The following WFS1 variants were observed in gnomAD, a reference collection of about 807,000 sequenced individuals.
The protein encoded by WFS1 is wolframin.
WFS1 carries 90 observed loss-of-function variants against 68.5 expected under a neutral mutation model. That is an observed-to-expected ratio of 1.31 (90% CI 1.11 to 1.56). The LOEUF (loss-of-function observed/expected upper bound fraction) is 1.56, where lower values mean the gene tolerates loss of function less well. Among genes scored for constraint, WFS1 ranks in the 40% most tolerant of loss-of-function variants. The pLI is 0.00. For synonymous variants in WFS1, 860 were observed against 540.7 expected, an observed-to-expected ratio of 1.59 and a Z score of -8.19; for missense variants, 1,767 against 1,232.6, an observed-to-expected ratio of 1.43 and a Z score of -6.49.
rs1730856439 is a variant in WFS1, at chr4:6,300,797, C to T, written c.1002C>T (p.Ser334=). The T allele has an allele frequency of 1.9e-6, 3 of 1,614,074 alleles. No homozygotes were observed. The highest frequency in any genetic ancestry group is 1.7e-6 in the Non-Finnish European group (2 of 1,179,964). The change falls in exon 8 of 8, where the codon AGC becomes AGT. Residue 334 remains serine, a synonymous_variant. Coordinates refer to ENST00000226760, the MANE Select transcript of WFS1 (RefSeq NM_006005.3). ...CGCTCATCTTCTTCTTCATCGTCAG[C>T]AACCTCACCATCGACTTCTTCGCCT... ...INALIFFFIV[S]NLTIDFFAFF...
rs1431418290 is a variant in WFS1 at position 6,302,029 on chromosome 4, G to A, written c.2234G>A (p.Gly745Asp). ...GAGGCCTACCCTGCCTGCAGCCCTG[G>A]CAACACCTCCACGGCCGAGGAGGAG... ...YGEAYPACSP[G>D]NTSTAEEELC... The change falls in exon 8 of 8, where the codon GGC becomes GAC. Residue 745 changes from glycine to aspartate, a missense_variant. By Grantham distance (94) the Gly-to-Asp change is moderately conservative. Transcript: ENST00000226760. 6.2e-7 allele frequency: 1 copy of A among 1,612,732 alleles called. No homozygotes were observed. The highest frequency in any genetic ancestry group is 8.5e-7 in the Non-Finnish European group (1 of 1,179,900).
intron 7 of WFS1, among the ~76,000 whole-genome samples, chr4:6,298,692 C>T (rs974928368): frequency 3.9e-5 from 6 of 152,176 alleles, no homozygotes; most frequent in East Asian, 1.9e-4. Context: ...ATGAGCCTGC[C>T]CCTCTCCTCT....
rs918718863 is a variant in WFS1 at position 6,277,481 on chromosome 4, G to A, written c.26G>A (p.Gly9Asp). 1.3e-6 allele frequency: 2 copies of A among 1,559,666 alleles called. No homozygotes were observed. The highest frequency in any genetic ancestry group is 2.4e-5 in the East Asian group (1 of 41,946). Residue 9 changes from glycine (G) to aspartate (D), a missense_variant, in exon 2 of 8, where the codon GGC (glycine) becomes GAC (aspartate). Transcript: ENST00000226760. ...ATGGACTCCAACACTGCTCCGCTGG[G>A]CCCCTCCTGCCCACAGCCCCCGCCA... The part of the protein sequence containing the change: MDSNTAPL[G>D]PSCPQPPPAP...
chr4:6,289,281 T>C, intron 4 of WFS1, 150 bp downstream of exon 4: 1 of 1,062,506 alleles, frequency 9.4e-7, no homozygotes, highest in Non-Finnish European at 1.3e-6. Context: ...GCCTTCTCAT[T>C]TTAGACACTG....
chr4:6,279,123 C>G (rs1004118720), intron 2 of WFS1, among the ~76,000 whole-genome samples: 5 of 152,196 alleles, frequency 3.3e-5, no homozygotes, highest in African/African-American at 9.6e-5. Context: ...ACTGATGTGG[C>G]CAAAGCAGGC....
rs779199009 is a variant in WFS1, at chr4:6,302,094, A to G, written c.2299A>G (p.Ile767Val). ...GCTGCTGGCCAAGCACCCCTGCCAC[A>G]TCAAGAAGTTCGACCGCTACAAGTT... ...LKLLAKHPCH[I>V]KKFDRYKFEI... is the part of the protein sequence containing the mutation. Residue 767 changes from isoleucine (I) to valine (V), a missense_variant, in exon 8 of 8, where the codon ATC becomes GTC. Transcript: ENST00000226760. The G allele has an allele frequency of 2.5e-6, 4 of 1,612,906 alleles. No individual in the cohort carries two copies. The highest frequency in any genetic ancestry group is 2.2e-5 in the East Asian group (1 of 44,872).
At position 6,277,545 on chromosome 4, in the gene WFS1, A is replaced by G. The variant is rs1182003818; in HGVS notation, c.90A>G (p.Thr30=). ...AGGCGCGTTCCCGACTCAATGCCAC[A>G]GCCTCGTTGGAGCAGGAGAGGAGCG... The part of the protein sequence containing the change: ...QPQARSRLNA[T]ASLEQERSER... Residue 30 remains threonine, a synonymous_variant, in exon 2 of 8, where the codon ACA becomes ACG. Transcript: ENST00000226760. The G allele has an allele frequency of 1.3e-6, 2 of 1,589,910 alleles. No homozygotes were observed. Among genetic ancestry groups the G allele is most frequent in the Non-Finnish European group, 8.6e-7 (1 of 1,168,868 alleles).
chr4:6,302,450 A>G lies in WFS1; in HGVS notation c.2655A>G (p.Pro885=), dbSNP rs1317914164. Residue 885 remains proline, a synonymous_variant, in exon 8 of 8, where the codon CCA becomes CCG. Transcript: ENST00000226760. ...VKFAFDFFFF[P]FLSAA ...TCGCCTTCGACTTCTTTTTCTTCCC[A>G]TTCCTGTCGGCGGCCTGAGGATGGT... 1 of 1,612,872 alleles carries G rather than the reference A, an allele frequency of 6.2e-7. No homozygotes were observed. The highest frequency in any genetic ancestry group is 8.5e-7 in the Non-Finnish European group (1 of 1,180,040).
intron 3 of WFS1, 112 bp from the exon 4 acceptor site, chr4:6,288,874 TC>T (rs1322364353): frequency 8.6e-6 from 13 of 1,503,624 alleles, no homozygotes; most frequent in Non-Finnish European, 1.2e-5. Flanking sequence ...TTCTGCCCCT[TC>T]CTTCCTGGCC....
intron 2 of WFS1, among the ~76,000 whole-genome samples, chr4:6,282,719 C>T (rs1730202940): frequency 6.6e-6 from 1 of 152,238 alleles, no homozygotes; most frequent in Non-Finnish European, 1.5e-5. Flanking sequence ...AGGCCCCAGC[C>T]ACTGCCCCTT....
intron 1 of WFS1, among the ~76,000 whole-genome samples, chr4:6,273,415 G>C (rs1729893823): frequency 6.6e-6 from 1 of 152,248 alleles, no homozygotes; most frequent in African/African-American, 2.4e-5. Flanking sequence ...GGGAGTTGGG[G>C]CTGAGTGCCC....
chr4:6,299,251 A>AT (rs2109122929), intron 7 of WFS1, among the ~76,000 whole-genome samples: 1 of 152,270 alleles, frequency 6.6e-6, no homozygotes, highest in Non-Finnish European at 1.5e-5. Flanking sequence ...CCCCATCCTG[A>AT]GGCTGCTCCC....
At chr4:6,292,903 A>G (rs13108780) in intron 6 of WFS1, among the ~76,000 whole-genome samples, 97,324 of 152,088 alleles carry the variant, frequency 0.64, 31,743 homozygotes, top group East Asian at 0.94. Flanking sequence ...CCACCTTCCC[A>G]CTGGGCCCGT....
intron 7 of WFS1, among the ~76,000 whole-genome samples, chr4:6,295,815 C>T (rs1027111054): frequency 4.6e-5 from 7 of 152,220 alleles, no homozygotes; most frequent in African/African-American, 1.4e-4. Context: ...CCTGGCCTGA[C>T]AGCTTGTTTT....
chr4:6,300,862 C>G lies in WFS1; in HGVS notation c.1067C>G (p.Ser356Cys). ...GTCATCTTCTACCTGTCCTTCATCTCCATGGTGATCTGCACCCTCAAGGTG... is the reference window on the plus strand; with the variant it reads ...GTCATCTTCTACCTGTCCTTCATCTGCATGGTGATCTGCACCCTCAAGGTG... The part of the protein sequence containing the change: ...PLVIFYLSFI[S>C]MVICTLKVFQ... The change falls in exon 8 of 8, where the codon TCC becomes TGC. Residue 356 changes from serine (S) to cysteine (C), a missense_variant. Physicochemically the swap from Ser to Cys is moderately radical, Grantham distance 112. Transcript: ENST00000226760. 1 of 1,614,140 alleles carries G rather than the reference C, an allele frequency of 6.2e-7. No individual in the cohort carries two copies. Among genetic ancestry groups the G allele is most frequent in the East Asian group, 2.2e-5 (1 of 44,872 alleles).
At chr4:6,289,224 A>G (rs1162756652) in intron 4 of WFS1, 93 bp downstream of exon 4, 1 of 1,456,910 alleles carries the variant, frequency 6.9e-7, no homozygotes, top group Non-Finnish European at 9.2e-7. Flanking sequence ...TACCAAACCT[A>G]ACGCTGGTGA....
At chr4:6,273,126 C>G (rs970786199) in intron 1 of WFS1, among the ~76,000 whole-genome samples, 12 of 151,768 alleles carry the variant, frequency 7.9e-5, no homozygotes, top group African/African-American at 2.4e-4. Flanking sequence ...GATGGGGTTG[C>G]CCCCCCAGAG....
At position 6,298,853 on chromosome 4, in the gene WFS1, T is replaced by C. The variant is rs538775384; in HGVS notation, c.862-1804T>C. On this transcript the variant is annotated intron_variant, in intron 7 of 7. Transcript: ENST00000226760. ...TCCCTCCTTGGCCTTCTGGTGGGCC[T>C]GGTGGAGAGAACCTGCCCCAGGGGA... is the stretch of plus-strand genomic sequence containing the variant. 9.8e-5 allele frequency among the ~76,000 whole-genome samples: 15 copies of C among 152,334 alleles called. No homozygotes were observed. In the East Asian group the frequency reaches 2.9e-3, roughly 29 times the overall value.
Position 6,287,310 on chromosome 4 carries a change from C to T in WFS1, c.315+135C>T, listed in dbSNP as rs141010542. 1.3e-6 allele frequency: 1 copy of T among 763,804 alleles called. No individual in the cohort carries two copies. Among genetic ancestry groups the T allele is most frequent in the Non-Finnish European group, 2.3e-6 (1 of 443,744 alleles). The allele number at this position is 763,804 out of a possible 1,614,324, so 47.3% of individuals were successfully genotyped here. On this transcript the variant is annotated intron_variant, in intron 3 of 7. Transcript: ENST00000226760. The surrounding 1 kb of genome is among the most constrained non-coding windows in gnomAD (Gnocchi z 6.4). The stretch of plus-strand genomic sequence containing the variant: ...AGGAGCCAGCGTGGTGCACCCTACC[C>T]CACTTGAGCCCCATGTTGGTAGGGT...
Sources: gnomAD v4.1 joint callset for allele counts (sites outside exome capture counted in the v4.1 genomes callset) on GRCh38, gnomAD v4.1.1 for gene constraint, Gnocchi (gnomAD v3.1) non-coding constraint, MANE v1.5 for transcripts, NCBI Gene and HGNC (gene_info 2026-07-23, HGNC 2026-07-21) for gene names.